Variants in ZNF99 observed in about 807,000 individuals in gnomAD.
ZNF99 encodes zinc finger protein ENSP00000375192.
ZNF99 carries 8 observed loss-of-function variants against 12.8 expected under a neutral mutation model. That is an observed-to-expected ratio of 0.62 (90% CI 0.37 to 1.13). The LOEUF (loss-of-function observed/expected upper bound fraction) is 1.13, where lower values mean the gene tolerates loss of function less well. Among genes scored for constraint, ZNF99 ranks in the 50% most tolerant of loss-of-function variants. The probability of loss-of-function intolerance (pLI) is 0.02; values close to 1 mark genes in which losing one functional copy is unlikely to be tolerated. For missense variants in ZNF99, 1,007 were observed against 1,006.2 expected (o/e 1.00, Z -0.01); for synonymous variants, 318 against 319.0 (o/e 1.00, Z 0.03).
chr19:22,768,934 CAGA>C (rs1403510237), intron 2 of ZNF99, among the ~76,000 whole-genome samples: 2 of 150,938 alleles, frequency 1.3e-5, no homozygotes, highest in Non-Finnish European at 2.9e-5. Flanking sequence ...GAGGCTGAGG[CAGA>C]AGAATTGCTT....
At chr19:22,772,407 G>A (rs575411625) in intron 1 of ZNF99, among the ~76,000 whole-genome samples, 59 of 152,290 alleles carry the variant, frequency 3.9e-4, no homozygotes, top group African/African-American at 1.3e-3. Context: ...AAAGAAGGTC[G>A]GGTACGGTGG....
intron 1 of ZNF99, among the ~76,000 whole-genome samples, chr19:22,780,985 T>C (rs893452005): frequency 2.0e-5 from 3 of 152,182 alleles, no homozygotes; most frequent in African/African-American, 7.2e-5. Context: ...GCCTTGAAAT[T>C]CTGTTTAAAA....
At position 22,757,705 on chromosome 19, in the gene ZNF99, C is replaced by T; in HGVS notation, c.2204G>A (p.Cys735Tyr). The T allele has an allele frequency of 6.2e-7, 1 of 1,612,142 alleles. No homozygotes were observed. The highest frequency in any genetic ancestry group is 8.5e-7 in the Non-Finnish European group (1 of 1,179,670). Residue 735 changes from cysteine (C) to tyrosine (Y), a missense_variant, in exon 4 of 4, where the codon TGT becomes TAT. Cys to Tyr is a radical substitution (Grantham distance 194, BLOSUM62 -2). Coordinates refer to ENST00000596209, the MANE Select transcript of ZNF99 (RefSeq NM_001080409.3). ...IIHTGEKPYK[C>Y]EECGKAFKWS... ...CTTAAAAGCTTTACCACATTCTTCA[C>T]ATTTGTAGGGTTTCTCTCCAGTATG...
rs764185685 is a variant in ZNF99 at position 22,756,484 on chromosome 19, T to C, written c.*830A>G. ...TTTCTTTCCAGTATGAATTATCCTA[T>C]GTTTAGTAAGGCGTGAGAAATGGCT... is the stretch of plus-strand genomic sequence containing the variant. On this transcript the variant is annotated 3_prime_UTR_variant, in exon 4 of 4. Coordinates refer to ENST00000596209, the MANE Select transcript of ZNF99 (RefSeq NM_001080409.3). 2.5e-6 allele frequency: 4 copies of C among 1,595,390 alleles called. No homozygotes were observed. Among genetic ancestry groups the C allele is most frequent in the South Asian group, 1.1e-5 (1 of 90,840 alleles).
At chr19:22,767,176 T>G (rs1049957672) in intron 3 of ZNF99, among the ~76,000 whole-genome samples, 3 of 150,746 alleles carry the variant, frequency 2.0e-5, no homozygotes, top group Non-Finnish European at 2.9e-5. Context: ...CCCAGCTACT[T>G]AAGAGGTTGA....
chr19:22,764,310 T>C (rs531780254), intron 3 of ZNF99, among the ~76,000 whole-genome samples: 1 of 152,142 alleles, frequency 6.6e-6, no homozygotes, highest in Non-Finnish European at 1.5e-5. Context: ...CAACACAAGA[T>C]GGATTAAGGA....
Position 22,754,362 on chromosome 19 carries a change from AT to A in ZNF99, c.*2951del. On this transcript the variant is annotated 3_prime_UTR_variant, in exon 4 of 4. Coordinates refer to ENST00000596209, the MANE Select transcript of ZNF99 (RefSeq NM_001080409.3). ...AATTTGGGCGACAGAGTGAGACTCC[AT>A]TTCAAAAAAAAAAAAAAAACTTTGC... The A allele has an allele frequency of 2.6e-6, 1 of 391,664 alleles. No individual in the cohort carries two copies. 24.3% of individuals were successfully genotyped at this position (391,664 alleles called of 1,614,324 possible).
At position 22,757,837 on chromosome 19, in the gene ZNF99, G is replaced by A; in HGVS notation, c.2072C>T (p.Ala691Val). The change falls in exon 4 of 4, where the codon GCC becomes GTC. Residue 691 changes from alanine (A) to valine (V), a missense_variant. Ala to Val is a moderately conservative substitution (Grantham distance 64, BLOSUM62 0). Transcript: ENST00000596209. The stretch of plus-strand genomic sequence containing the variant: ...ATGAATTATCTTATGTTTCCTAAGG[G>A]CTGAGAAATGGTTAAAAGCCTTGCC... ...ECGKAFNHFSALRKHKIIHTG... is the reference protein window; with the variant it reads ...ECGKAFNHFSVLRKHKIIHTG... 1 of 1,610,800 alleles carries A rather than the reference G, an allele frequency of 6.2e-7. No homozygotes were observed. Among genetic ancestry groups the A allele is most frequent in the Non-Finnish European group, 8.5e-7 (1 of 1,178,502 alleles).
Position 22,757,626 on chromosome 19 carries a change from G to A in ZNF99, c.2283C>T (p.Cys761=), listed in dbSNP as rs775861129. The stretch of plus-strand genomic sequence containing the variant: ...AAGCTTTGCCACATTCTTCACATTT[G>A]CAGGGTTTCTCTGCAGTATGAATTA... The part of the protein sequence containing the change: ...HKVIHTAEKP[C]KCEECGKAFK... Residue 761 remains cysteine (C), a synonymous_variant, in exon 4 of 4, where the codon TGC becomes TGT. Coordinates refer to ENST00000596209, the MANE Select transcript of ZNF99 (RefSeq NM_001080409.3). The A allele has an allele frequency of 1.6e-5, 26 of 1,611,168 alleles. No homozygotes were observed. The highest frequency in any genetic ancestry group is 2.1e-5 in the Non-Finnish European group (25 of 1,179,626).
chr19:22,775,924 A>C (rs996669932), intron 1 of ZNF99, among the ~76,000 whole-genome samples: 2 of 152,134 alleles, frequency 1.3e-5, no homozygotes, highest in African/African-American at 4.8e-5. Flanking sequence ...CGGGAGGCTG[A>C]GGTAGGAGAA....
intron 1 of ZNF99, among the ~76,000 whole-genome samples, chr19:22,783,807 T>C (rs1414027633): frequency 1.3e-5 from 2 of 152,098 alleles, no homozygotes; most frequent in African/African-American, 4.8e-5. Flanking sequence ...ATAGTCACAG[T>C]GCAGGAAGGA....
At chr19:22,774,634 C>T (rs1973305878) in intron 1 of ZNF99, among the ~76,000 whole-genome samples, 1 of 152,128 alleles carries the variant, frequency 6.6e-6, no homozygotes, top group Non-Finnish European at 1.5e-5. Context: ...CTTTGGGAGG[C>T]CGAGGTGGGT....
At position 22,756,053 on chromosome 19, in the gene ZNF99, GC is replaced by G; in HGVS notation, c.*1260del. ...TTTACATTTGTGGGGTTTCTCTCCA[GC>G]ATGAATTGTTTTCTGCCTATTAAGG... On this transcript the variant is annotated 3_prime_UTR_variant, in exon 4 of 4. Coordinates refer to ENST00000596209, the MANE Select transcript of ZNF99 (RefSeq NM_001080409.3). 5.6e-6 allele frequency: 7 copies of G among 1,256,984 alleles called. No individual in the cohort carries two copies. Among genetic ancestry groups the G allele is most frequent in the Admixed American group, 2.1e-5 (1 of 48,236 alleles). The allele number at this position is 1,256,984 out of a possible 1,614,324, so 77.9% of individuals were successfully genotyped here. A position where few individuals can be genotyped will look rare whatever the true frequency, so the allele number is the denominator to read the frequency against.
intron 1 of ZNF99, among the ~76,000 whole-genome samples, chr19:22,769,618 T>A (rs1301942680): frequency 6.6e-6 from 1 of 151,796 alleles, no homozygotes; most frequent in Non-Finnish European, 1.5e-5. Flanking sequence ...ATACAAAAAA[T>A]TAGCCGGCAT....
chr19:22,760,626 C>T (rs532326743), intron 3 of ZNF99, among the ~76,000 whole-genome samples: 2 of 152,012 alleles, frequency 1.3e-5, no homozygotes, highest in African/African-American at 4.8e-5. Flanking sequence ...CATCTGTAGT[C>T]CCAGCTACTC....
In ZNF99 at chr19:22,755,073, C is replaced by CA. The variant is rs34161305; in HGVS notation, c.*2240dup. The CA allele has an allele frequency of 0.55, 79,244 of 145,346 alleles. 21,956 individuals are homozygous for CA. The highest frequency in any genetic ancestry group is 0.65 in the Middle Eastern group (170 of 262). 9.0% of individuals were successfully genotyped at this position (145,346 alleles called of 1,614,324 possible). A position where few individuals can be genotyped will look rare whatever the true frequency, so the allele number is the denominator to read the frequency against. ...GGGCAACTAGGGCGAAACTCTGTTTCAAAAAAAAAAAAAAAAAAATTGAAG... is the reference window on the plus strand; with the variant it reads ...GGGCAACTAGGGCGAAACTCTGTTTCAAAAAAAAAAAAAAAAAAAATTGAAG... On this transcript the variant is annotated 3_prime_UTR_variant, in exon 4 of 4. Transcript: ENST00000596209.
rs1387532561 is a variant in ZNF99 at position 22,756,268 on chromosome 19, T to C, written c.*1046A>G. 1.3e-6 allele frequency: 2 copies of C among 1,569,280 alleles called. No homozygotes were observed. The highest frequency in any genetic ancestry group is 1.7e-6 in the Non-Finnish European group (2 of 1,156,384). ...TAAGGGCTGAAAGATGGTTAAAAGC[T>C]TTGCCACATTCTTCACATTTGTAGG... On this transcript the variant is annotated 3_prime_UTR_variant, in exon 4 of 4. Coordinates refer to ENST00000596209, the MANE Select transcript of ZNF99 (RefSeq NM_001080409.3).
chr19:22,776,829 A>G (rs1973334828), intron 1 of ZNF99, among the ~76,000 whole-genome samples: 1 of 152,218 alleles, frequency 6.6e-6, no homozygotes, highest in Non-Finnish European at 1.5e-5. Context: ...CGAAATGCCT[A>G]TCAATGGTAA....
chr19:22,781,430 G>A (rs975383161), intron 1 of ZNF99, among the ~76,000 whole-genome samples: 3 of 70,528 alleles, frequency 4.3e-5, no homozygotes, highest in South Asian at 8.6e-4. Context: ...TTTTTTTGTC[G>A]TTTGGGACAC....
Sources: allele counts gnomAD v4.1 joint callset (sites outside exome capture counted in the v4.1 genomes callset), GRCh38; gene constraint gnomAD v4.1.1; transcripts MANE v1.5; gene names NCBI Gene and HGNC (gene_info 2026-07-23, HGNC 2026-07-21).